MCF2L: variants seen among roughly 807,000 people sequenced by gnomAD.
MCF2L encodes guanine nucleotide exchange factor DBS.
MCF2L carries 97 observed loss-of-function variants against 153.4 expected under a neutral mutation model. That is an observed-to-expected ratio of 0.63 (90% CI 0.54 to 0.75). The LOEUF is 0.75. Among genes scored for constraint, MCF2L ranks in the 30% least tolerant of loss-of-function variants. The probability of loss-of-function intolerance (pLI) is 0.00; values close to 1 mark genes in which losing one functional copy is unlikely to be tolerated. For synonymous variants in MCF2L, 659 were observed against 632.2 expected (o/e 1.04, Z -0.64); for missense variants, 1,347 against 1,495.2 (o/e 0.90, Z 1.64).
rs2032050056 is a variant in MCF2L, at chr13:113,064,475, A to G, written c.606+55A>G. The G allele has an allele frequency of 9.0e-7, 1 of 1,116,274 alleles. No individual in the cohort carries two copies. 69.1% of individuals were successfully genotyped at this position (1,116,274 alleles called of 1,614,324 possible). Reference sequence around the variant, plus strand: ...CTGATACCAGCTCGAGTACTTCCACAGAATCGCTCTTGCATTACAACACGG... The same window carrying G: ...CTGATACCAGCTCGAGTACTTCCACGGAATCGCTCTTGCATTACAACACGG... On this transcript the variant is annotated intron_variant, in intron 6 of 29. Coordinates refer to ENST00000535094, the MANE Select transcript of MCF2L (RefSeq NM_001112732.3). This position sits in a 1 kb window ranked among gnomAD's most constrained non-coding sequence, Gnocchi z 6.0.
Position 112,932,048 on chromosome 13 carries a change from G to A in MCF2L, c.169+29677G>A, listed in dbSNP as rs1008092853. Among the ~76,000 whole-genome samples the A allele has an allele frequency of 2.0e-5, 3 of 152,172 alleles. No homozygotes were observed. Among genetic ancestry groups the A allele is most frequent in the South Asian group, 2.1e-4 (1 of 4,830 alleles). On this transcript the variant is annotated intron_variant, in intron 2 of 29. Coordinates refer to the MCF2L transcript ENST00000375608. This position sits in a 1 kb window ranked among gnomAD's most constrained non-coding sequence, Gnocchi z 4.6. The stretch of plus-strand genomic sequence containing the variant: ...CTTCATGTAGATGAGTTGTTGTCAC[G>A]AGGGGAGCTCAGAACCCTACTTCCT...
rs576700236 is a variant in MCF2L at position 113,024,675 on chromosome 13, C to T, written c.195C>T (p.Ile65=). Residue 65 remains isoleucine, a synonymous_variant, in exon 3 of 30, where the codon ATC becomes ATT. Transcript: ENST00000535094. ...GGRGQDGSPV[I]TFPDYPAFSE... ...GGGGGCAGGACGGAAGCCCGGTTAT[C>T]ACCTTCCCTGACTACCCGGCCTTCA... 499 of 1,614,022 alleles carry T rather than the reference C, an allele frequency of 3.1e-4. No homozygotes were observed. Among genetic ancestry groups the T allele is most frequent in the Non-Finnish European group, 4.1e-4 (487 of 1,180,014 alleles).
intron 1 of MCF2L, chr13:113,001,958 G>A: frequency 6.3e-7 from 1 of 1,592,932 alleles, no homozygotes; most frequent in East Asian, 2.3e-5. Context: ...TCTGGGCGCT[G>A]TGGCTGCTGC....
intron 1 of MCF2L, among the ~76,000 whole-genome samples, chr13:112,971,872 G>A (rs2082048819): frequency 6.6e-6 from 1 of 152,198 alleles, no homozygotes; most frequent in East Asian, 1.9e-4. Flanking sequence ...TGGTGAAAAG[G>A]TAGAAGACAT....
chr13:113,044,423 C>A (rs2086677478), intron 3 of MCF2L: 2 of 454,072 alleles, frequency 4.4e-6, no homozygotes, highest in Admixed American at 3.4e-5. Context: ...GCGGCCACGC[C>A]CATAGACTGC....
At chr13:113,044,710 T>G in intron 3 of MCF2L, 1 of 1,612,896 alleles carries the variant, frequency 6.2e-7, no homozygotes, top group South Asian at 1.1e-5. Flanking sequence ...CGCGCAAGTG[T>G]GGTCTCTGTC....
At chr13:113,082,383 C>T in intron 16 of MCF2L, 44 bp from the exon 17 acceptor site, 1 of 1,192,190 alleles carries the variant, frequency 8.4e-7, no homozygotes, top group South Asian at 1.2e-5. Context: ...CCCCCCACAG[C>T]ATCAGGCCCA....
In MCF2L at chr13:112,943,205, T is replaced by C. The variant is rs1032801340; in HGVS notation, c.169+40834T>C. Among the ~76,000 whole-genome samples, 15 of 152,206 alleles carry C rather than the reference T, an allele frequency of 9.9e-5. No individual in the cohort carries two copies. The highest frequency in any genetic ancestry group is 2.2e-4 in the Non-Finnish European group (15 of 68,032). On this transcript the variant is annotated intron_variant, in intron 2 of 29. Transcript: ENST00000375608. The surrounding 1 kb of genome is among the most constrained non-coding windows in gnomAD (Gnocchi z 4.2). ...CAGGTGACAGCCCTCAGTGGACTTCTGTCCTCACCATGTTTCCCACTGGCA... is the reference window on the plus strand; with the variant it reads ...CAGGTGACAGCCCTCAGTGGACTTCCGTCCTCACCATGTTTCCCACTGGCA...
In MCF2L at chr13:112,980,760, G is replaced by A. The variant is rs973041395; in HGVS notation, c.79+11302G>A. 5.1e-5 allele frequency among the ~76,000 whole-genome samples: 7 copies of A among 136,320 alleles called. No homozygotes were observed. The South Asian group carries it at 1.7e-3, about 34-fold the overall frequency. 89.4% of individuals were successfully genotyped at this position (136,320 alleles called of 152,430 possible). ...CACCGTGTGGGTGCAAGTACCCCAG[G>A]GCTAAAATAACAGATCCCAGCCTCC... On this transcript the variant is annotated intron_variant, in intron 1 of 29. Coordinates refer to ENST00000535094, the MANE Select transcript of MCF2L (RefSeq NM_001112732.3).
intron 3 of MCF2L, among the ~76,000 whole-genome samples, chr13:113,039,447 A>C (rs1459120677): frequency 6.6e-6 from 1 of 152,252 alleles, no homozygotes; most frequent in Non-Finnish European, 1.5e-5. Context: ...AGCAATTATC[A>C]GAAAGGAAAA....
chr13:112,980,685 C>G (rs2082386350), intron 1 of MCF2L, among the ~76,000 whole-genome samples: 1 of 33,496 alleles, frequency 3.0e-5, no homozygotes, highest in African/African-American at 6.9e-5. Context: ...CGGACAGAGC[C>G]TGTAACACTG....
At position 113,045,092 on chromosome 13, in the gene MCF2L, T is replaced by C; in HGVS notation, c.279-179T>C. ...TGCCCTTCCGTAGATGAGAGCAGGT[T>C]CTGGGACTGCGGGGATGGGGCTGCC... On this transcript the variant is annotated intron_variant, in intron 3 of 29. Coordinates refer to ENST00000535094, the MANE Select transcript of MCF2L (RefSeq NM_001112732.3). This position sits in a 1 kb window ranked among gnomAD's most constrained non-coding sequence, Gnocchi z 4.2. The C allele has an allele frequency of 1.1e-6, 1 of 932,038 alleles. No homozygotes were observed. The highest frequency in any genetic ancestry group is 1.6e-6 in the Non-Finnish European group (1 of 607,064). 57.7% of individuals were successfully genotyped at this position (932,038 alleles called of 1,614,324 possible). A position where few individuals can be genotyped will look rare whatever the true frequency, so the allele number is the denominator to read the frequency against.
intron 1 of MCF2L, among the ~76,000 whole-genome samples, chr13:112,899,397 G>A (rs1024970795): frequency 1.3e-5 from 2 of 152,138 alleles, no homozygotes; most frequent in African/African-American, 2.4e-5. Flanking sequence ...TGGTCAGGCC[G>A]GTCTTGGGAT....
rs1368797550 is a variant in MCF2L, at chr13:112,904,360, C to T, written c.169+1989C>T. On this transcript the variant is annotated intron_variant, in intron 2 of 29. Coordinates refer to the MCF2L transcript ENST00000375608. The surrounding 1 kb of genome is among the most constrained non-coding windows in gnomAD (Gnocchi z 4.2). The stretch of plus-strand genomic sequence containing the variant: ...AGCCGTGGAGCAGAGCCTGGGCCCA[C>T]GCTCTGGCTTTGTTCCTGCCCCTGC... 2.6e-5 allele frequency among the ~76,000 whole-genome samples: 4 copies of T among 152,170 alleles called. No individual in the cohort carries two copies. Among genetic ancestry groups the T allele is most frequent in the Admixed American group, 6.5e-5 (1 of 15,284 alleles).
At chr13:112,986,814 G>A (rs1049428467) in intron 1 of MCF2L, among the ~76,000 whole-genome samples, 6 of 152,238 alleles carry the variant, frequency 3.9e-5, no homozygotes, top group African/African-American at 9.6e-5. Flanking sequence ...CTCACAGACC[G>A]TGGGGGCTCC....
chr13:112,967,009 A>G (rs2081901468), upstream of MCF2L, among the ~76,000 whole-genome samples: 1 of 152,044 alleles, frequency 6.6e-6, no homozygotes, highest in African/African-American at 2.4e-5. Flanking sequence ...ATGCCAGGAG[A>G]GCGGCCGGGA....
At chr13:112,996,477 C>A (rs764747893) in intron 1 of MCF2L, among the ~76,000 whole-genome samples, 2 of 152,240 alleles carry the variant, frequency 1.3e-5, no homozygotes, top group Non-Finnish European at 2.9e-5. Context: ...ACGGGCCAGG[C>A]TCGACCTGTG....
intron 8 of MCF2L, among the ~76,000 whole-genome samples, chr13:113,066,488 G>A (rs938915397): frequency 5.3e-5 from 8 of 152,318 alleles, no homozygotes; most frequent in East Asian, 3.9e-4. Context: ...TTAGACCTGG[G>A]GCTTCTGCAT....
chr13:113,083,408 G>A (rs144542287), intron 17 of MCF2L, among the ~76,000 whole-genome samples: 2 of 152,332 alleles, frequency 1.3e-5, no homozygotes, highest in East Asian at 3.9e-4. Context: ...CGGAGCTTGG[G>A]CAGAACCTTA....
Sources: gnomAD v4.1 joint callset for allele counts (sites outside exome capture counted in the v4.1 genomes callset) on GRCh38, gnomAD v4.1.1 for gene constraint, Gnocchi (gnomAD v3.1) non-coding constraint, MANE v1.5 for transcripts, NCBI Gene and HGNC (gene_info 2026-07-23, HGNC 2026-07-21) for gene names.